The following SGCD variants were observed in gnomAD, a reference collection of about 807,000 sequenced individuals.
SGCD encodes sarcoglycan delta.
SGCD carries 18 observed loss-of-function variants against 36.6 expected under a neutral mutation model. The ratio of observed to expected loss-of-function variants is 0.49; its 90% CI spans 0.34 to 0.73. SGCD has a LOEUF of 0.73. Ranked by LOEUF, SGCD falls within the 30% of genes least tolerant of loss-of-function variation. SGCD has a pLI of 0.01. For missense variants in SGCD, 387 were observed against 346.7 expected (o/e 1.12, Z -0.92); for synonymous variants, 133 against 130.6 (o/e 1.02, Z -0.12).
At chr5:156,039,588 T>C (rs560073187) in intron 1 of SGCD, among the ~76,000 whole-genome samples, 15 of 152,288 alleles carry the variant, frequency 9.8e-5, no homozygotes, top group South Asian at 4.1e-4. Context: ...AACTAGACAA[T>C]TGAAACATTT....
intron 6 of SGCD, among the ~76,000 whole-genome samples, chr5:156,625,949 A>G (rs1473362222): frequency 2.0e-5 from 3 of 151,074 alleles, no homozygotes; most frequent in African/African-American, 7.3e-5. Context: ...GATTCTCAAC[A>G]GTGGTGTGTT....
chr5:156,537,387 A>G (rs1315464419), intron 4 of SGCD, among the ~76,000 whole-genome samples: 1 of 150,904 alleles, frequency 6.6e-6, no homozygotes, highest in East Asian at 2.0e-4. Flanking sequence ...GTGGATAGAG[A>G]ACACATTTCA....
intron 1 of SGCD, among the ~76,000 whole-genome samples, chr5:155,935,394 G>A (rs562679677): frequency 2.0e-5 from 3 of 152,108 alleles, no homozygotes; most frequent in Non-Finnish European, 4.4e-5. Flanking sequence ...AGATAGGAGA[G>A]GTCACTGCCC....
Position 156,575,205 on chromosome 5 carries a change from G to A in SGCD, c.295-14026G>A, listed in dbSNP as rs145949028. 2.1e-4 allele frequency among the ~76,000 whole-genome samples: 32 copies of A among 152,316 alleles called. No individual in the cohort carries two copies. In the East Asian group the frequency reaches 5.0e-3, roughly 24 times the overall value. On this transcript the variant is annotated intron_variant, in intron 4 of 8. Transcript: ENST00000337851. Reference sequence around the variant, plus strand: ...AAAGCGTATCTTAATCTTGGTATCAGTCAAGTTTTAATGCTTTAATATTGG... The same window carrying A: ...AAAGCGTATCTTAATCTTGGTATCAATCAAGTTTTAATGCTTTAATATTGG...
chr5:156,589,217 T>C lies in SGCD; in HGVS notation c.295-14T>C, dbSNP rs758788007. 8 of 1,519,014 alleles carry C rather than the reference T, an allele frequency of 5.3e-6. No homozygotes were observed. The South Asian group carries it at 8.4e-5, about 16-fold the overall frequency. 94.1% of individuals were successfully genotyped at this position (1,519,014 alleles called of 1,614,324 possible). ...CTATCATTTTCATGTCTTTCTCTTA[T>C]TTTCTTATTGCAGGGTAATGCCCTG... On this transcript the variant is annotated splice_polypyrimidine_tract_variant and intron_variant, in intron 4 of 8. Coordinates refer to ENST00000337851, the MANE Select transcript of SGCD (RefSeq NM_000337.6).
At chr5:156,530,007 G>A (rs1178767847) in intron 4 of SGCD, among the ~76,000 whole-genome samples, 1 of 152,222 alleles carries the variant, frequency 6.6e-6, no homozygotes, top group African/African-American at 2.4e-5. Flanking sequence ...TGGAGGGGGA[G>A]AAGGAAGAAG....
intron 3 of SGCD, among the ~76,000 whole-genome samples, chr5:156,184,505 C>T (rs1256943225): frequency 6.6e-6 from 1 of 151,954 alleles, no homozygotes; most frequent in East Asian, 1.9e-4. Context: ...TCTCAAACTC[C>T]TGATATTGCA....
chr5:156,553,906 C>T (rs1758895477), intron 4 of SGCD, among the ~76,000 whole-genome samples: 1 of 152,162 alleles, frequency 6.6e-6, no homozygotes, highest in South Asian at 2.1e-4. Flanking sequence ...ATGAGCAATG[C>T]TACAATGAAG....
chr5:155,917,144 G>A (rs767535255), intron 1 of SGCD, among the ~76,000 whole-genome samples: 7 of 152,242 alleles, frequency 4.6e-5, no homozygotes, highest in Non-Finnish European at 7.4e-5. Flanking sequence ...CCCCAGACAT[G>A]CACCACTCTT....
At chr5:156,202,296 G>C (rs535702114) in intron 3 of SGCD, among the ~76,000 whole-genome samples, 2 of 152,264 alleles carry the variant, frequency 1.3e-5, no homozygotes, top group South Asian at 4.1e-4. Flanking sequence ...GTATGTAATA[G>C]TAGGCTTTAC....
intron 1 of SGCD, among the ~76,000 whole-genome samples, chr5:155,905,047 TC>T (rs1165182386): frequency 6.6e-6 from 1 of 152,180 alleles, no homozygotes; most frequent in Non-Finnish European, 1.5e-5. Context: ...CATAACAGTA[TC>T]TTCCCTGTCT....
chr5:156,306,079 G>A (rs777962759), intron 3 of SGCD, among the ~76,000 whole-genome samples: 3 of 152,182 alleles, frequency 2.0e-5, no homozygotes, highest in Non-Finnish European at 2.9e-5. Context: ...AGTTAATGCT[G>A]AATTGAGTTA....
At chr5:155,997,568 A>T (rs923645263) in intron 1 of SGCD, among the ~76,000 whole-genome samples, 2 of 152,234 alleles carry the variant, frequency 1.3e-5, no homozygotes, top group African/African-American at 4.8e-5. Flanking sequence ...AATGGATGGG[A>T]CATTGTTCCT....
intron 3 of SGCD, among the ~76,000 whole-genome samples, chr5:156,456,366 A>T (rs138310012): frequency 3.9e-5 from 6 of 152,162 alleles, no homozygotes; most frequent in Admixed American, 2.6e-4. Context: ...GTTACTAGAG[A>T]TGTGAATAAT....
chr5:156,502,898 A>T (rs1020393482), intron 3 of SGCD, among the ~76,000 whole-genome samples: 4 of 152,220 alleles, frequency 2.6e-5, no homozygotes, highest in Non-Finnish European at 5.9e-5. Flanking sequence ...ATATTTTGGA[A>T]ATAGAGGCCA....
intron 6 of SGCD, among the ~76,000 whole-genome samples, chr5:156,619,023 C>CTTT (rs536840593): frequency 3.5e-5 from 5 of 141,416 alleles, no homozygotes; most frequent in African/African-American, 8.0e-5. Flanking sequence ...GAGCCAATTC[C>CTTT]TTTTTTTTTT....
At chr5:156,217,653 AC>A (rs1037275962) in intron 3 of SGCD, among the ~76,000 whole-genome samples, 1 of 152,148 alleles carries the variant, frequency 6.6e-6, no homozygotes, top group Non-Finnish European at 1.5e-5. Context: ...AGATACTTAA[AC>A]TTTTGAACTC....
intron 2 of SGCD, among the ~76,000 whole-genome samples, chr5:156,334,816 A>AG (rs1768259634): frequency 6.6e-6 from 1 of 152,034 alleles, no homozygotes; most frequent in South Asian, 2.1e-4. Context: ...GCGTCAGGGG[A>AG]GGAACTGAAG....
At chr5:155,998,204 T>A (rs1385870308) in intron 1 of SGCD, among the ~76,000 whole-genome samples, 1 of 152,152 alleles carries the variant, frequency 6.6e-6, no homozygotes, top group African/African-American at 2.4e-5. Flanking sequence ...ATAATCAAAC[T>A]TCATAAAAAC....
Sources: gnomAD v4.1 joint callset for allele counts (sites outside exome capture counted in the v4.1 genomes callset) on GRCh38, gnomAD v4.1.1 for gene constraint, MANE v1.5 for transcripts, NCBI Gene and HGNC (gene_info 2026-07-23, HGNC 2026-07-21) for gene names.